Variants in RERG observed in about 807,000 individuals in gnomAD.
RERG encodes the protein ras-related and estrogen-regulated growth inhibitor.
Under a neutral mutation model 23.2 loss-of-function variants are expected in RERG, and 25 were observed. The observed-to-expected ratio is 1.08, with a 90% CI of 0.79 to 1.50. RERG has a LOEUF of 1.50. Ranked by LOEUF, RERG falls within the 40% of genes most tolerant of loss-of-function variation. The pLI is 0.00. For missense variants in RERG, 253 were observed against 250.1 expected, an observed-to-expected ratio of 1.01 and a Z score of -0.08; for synonymous variants, 81 against 89.1, an observed-to-expected ratio of 0.91 and a Z score of 0.51.
chr12:15,175,331 C>T (rs943315215), intron 2 of RERG, among the ~76,000 whole-genome samples: 3 of 109,272 alleles, frequency 2.7e-5, no homozygotes, highest in African/African-American at 6.9e-5. Flanking sequence ...TACTCTCAGG[C>T]TCTGTGTGTG....
intron 2 of RERG, among the ~76,000 whole-genome samples, chr12:15,129,160 C>A (rs897763430): frequency 6.6e-6 from 1 of 151,772 alleles, no homozygotes; most frequent in East Asian, 1.9e-4. Flanking sequence ...TGGCTGAGAC[C>A]AAGATTATGC....
At chr12:15,170,316 C>T (rs563855376) in intron 2 of RERG, among the ~76,000 whole-genome samples, 3 of 151,848 alleles carry the variant, frequency 2.0e-5, no homozygotes, top group East Asian at 3.9e-4. Flanking sequence ...GCACAGGAGG[C>T]GGATGGTGGG....
At chr12:15,202,502 A>G (rs542342862) in intron 2 of RERG, among the ~76,000 whole-genome samples, 13 of 151,844 alleles carry the variant, frequency 8.6e-5, no homozygotes, top group African/African-American at 3.1e-4. Context: ...TAATTCTGTA[A>G]GTTTGACTAT....
At chr12:15,189,809 A>C (rs1865044406) in intron 2 of RERG, among the ~76,000 whole-genome samples, 1 of 152,168 alleles carries the variant, frequency 6.6e-6, no homozygotes, top group Admixed American at 6.5e-5. Context: ...GGGCTCACTG[A>C]ATCTGTTCTC....
rs553346769 is a variant in RERG, at chr12:15,120,586, T to G, written c.118+477A>C. Among the ~76,000 whole-genome samples the G allele has an allele frequency of 4.8e-4, 73 of 152,336 alleles. 1 individual carries two copies. The highest frequency in any genetic ancestry group is 1.5e-3 in the South Asian group (7 of 4,826). On this transcript the variant is annotated intron_variant, in intron 3 of 4. Coordinates refer to ENST00000256953, the MANE Select transcript of RERG (RefSeq NM_032918.3). ...TCCACAGACATCATATTTTGCTGCT[T>G]CTTCTCTCCTTCTCTCTCTGTAACA...
intron 2 of RERG, among the ~76,000 whole-genome samples, chr12:15,151,099 CCTCCG>C (rs1864434050): frequency 6.6e-6 from 1 of 152,186 alleles, no homozygotes; most frequent in Admixed American, 6.5e-5. Context: ...GAGCATTCTA[CCTCCG>C]TAGGCTACAT....
rs961754781 is a variant in RERG, at chr12:15,148,698, A to T, written c.62-27579T>A. ...GAAGTCACTTTTATTACAACTACTA[A>T]TTCCCCAGGAATTTGGAGATTTTTA... On this transcript the variant is annotated intron_variant, in intron 2 of 4. Coordinates refer to ENST00000256953, the MANE Select transcript of RERG (RefSeq NM_032918.3). Among the ~76,000 whole-genome samples the T allele has an allele frequency of 7.2e-5, 11 of 152,274 alleles. 1 individual carries two copies. Among genetic ancestry groups the T allele is most frequent in the Admixed American group, 7.2e-4 (11 of 15,288 alleles).
Position 15,108,901 on chromosome 12 carries a change from C to G in RERG, c.*209G>C. ...ATGTTCAAATGCCATTAGAGTGTAT[C>G]TTATTCAAGCAGGAAAGGAAGAAAT... On this transcript the variant is annotated 3_prime_UTR_variant, in exon 5 of 5. Transcript: ENST00000256953. 5.7e-6 allele frequency: 3 copies of G among 525,972 alleles called. No individual in the cohort carries two copies. Among genetic ancestry groups the G allele is most frequent in the Non-Finnish European group, 9.9e-6 (3 of 301,712 alleles). 32.6% of individuals were successfully genotyped at this position (525,972 alleles called of 1,614,324 possible).
chr12:15,157,778 A>AT (rs529036071), intron 2 of RERG, among the ~76,000 whole-genome samples: 1 of 152,034 alleles, frequency 6.6e-6, no homozygotes, highest in Non-Finnish European at 1.5e-5. Flanking sequence ...GCTTTTCAAC[A>AT]TTTTTTTGTC....
intron 3 of RERG, among the ~76,000 whole-genome samples, chr12:15,112,927 A>G (rs925967817): frequency 1.3e-5 from 2 of 152,326 alleles, no homozygotes; most frequent in South Asian, 2.1e-4. Flanking sequence ...ATCTAAACCT[A>G]TTATGACAAA....
intron 2 of RERG, chr12:15,155,367 C>A (rs1179826123): frequency 1.3e-5 from 2 of 152,242 alleles, no homozygotes; most frequent in South Asian, 2.1e-4. Context: ...CATAACCAAG[C>A]TGATCAACCC....
chr12:15,184,423 C>T (rs1022306297), intron 2 of RERG, among the ~76,000 whole-genome samples: 2 of 139,662 alleles, frequency 1.4e-5, no homozygotes, highest in African/African-American at 6.0e-5. Context: ...TGGCTTGCTT[C>T]TTACAGAAAG....
chr12:15,218,794 G>A (rs539062271), intron 1 of RERG, among the ~76,000 whole-genome samples: 8 of 151,776 alleles, frequency 5.3e-5, no homozygotes, highest in East Asian at 1.9e-4. Flanking sequence ...TGTTCTTCCC[G>A]GAATGTACAC....
chr12:15,134,380 C>T (rs1864107971), intron 2 of RERG, among the ~76,000 whole-genome samples: 1 of 152,028 alleles, frequency 6.6e-6, no homozygotes, highest in Admixed American at 6.6e-5. Context: ...TATATTTTCT[C>T]CACTCTATTA....
intron 2 of RERG, among the ~76,000 whole-genome samples, chr12:15,185,081 C>T (rs1351656677): frequency 2.6e-5 from 4 of 152,092 alleles, no homozygotes; most frequent in Admixed American, 2.0e-4. Flanking sequence ...TGCAGACCCC[C>T]AATTATTTTT....
At chr12:15,141,708 T>G (rs1443827643) in intron 2 of RERG, among the ~76,000 whole-genome samples, 1 of 152,198 alleles carries the variant, frequency 6.6e-6, no homozygotes, top group Non-Finnish European at 1.5e-5. Flanking sequence ...GAAAAGTGAT[T>G]GTTATTCAGT....
chr12:15,191,144 G>A (rs1021164556), intron 2 of RERG, among the ~76,000 whole-genome samples: 1 of 152,004 alleles, frequency 6.6e-6, no homozygotes, highest in Non-Finnish European at 1.5e-5. Flanking sequence ...ACTCATTAGG[G>A]GTGCCTGTCA....
chr12:15,137,685 C>G (rs1175568612), intron 2 of RERG: 1 of 280,610 alleles, frequency 3.6e-6, no homozygotes, highest in East Asian at 8.4e-5. Flanking sequence ...ATCCTAATTC[C>G]TCCCTCCTGT....
chr12:15,135,326 T>G (rs1162247203), intron 2 of RERG, among the ~76,000 whole-genome samples: 1 of 152,204 alleles, frequency 6.6e-6, no homozygotes, highest in African/African-American at 2.4e-5. Context: ...TCCTTTAAAA[T>G]TTTCTACATA....
Sources: gnomAD v4.1 joint callset for allele counts (sites outside exome capture counted in the v4.1 genomes callset) on GRCh38, gnomAD v4.1.1 for gene constraint, MANE v1.5 for transcripts, NCBI Gene and HGNC (gene_info 2026-07-23, HGNC 2026-07-21) for gene names.